Variants in PARP4 observed in about 807,000 individuals in gnomAD.
The protein encoded by PARP4 is protein mono-ADP-ribosyltransferase PARP4.
Under a neutral mutation model 187.7 loss-of-function variants are expected in PARP4, and 120 were observed. The ratio of observed to expected loss-of-function variants is 0.64; its 90% CI spans 0.55 to 0.74. The LOEUF is 0.74. PARP4 is among the 30% of genes least tolerant of loss of function. The probability of loss-of-function intolerance (pLI) is 0.00; values close to 1 mark genes in which losing one functional copy is unlikely to be tolerated. For synonymous variants in PARP4, 654 were observed against 740.9 expected, an observed-to-expected ratio of 0.88 and a Z score of 1.90; for missense variants, 1,836 against 2,070.5, an observed-to-expected ratio of 0.89 and a Z score of 2.20.
intron 2 of PARP4, 135 bp from the exon 3 acceptor site, chr13:24,501,969 CTA>C (rs1443032428): frequency 3.3e-6 from 2 of 601,214 alleles, no homozygotes; most frequent in East Asian, 5.7e-5. Flanking sequence ...CGAAAAACCT[CTA>C]TAAATATCAC....
intron 33 of PARP4, among the ~76,000 whole-genome samples, chr13:24,422,924 T>C (rs1379114565): frequency 2.6e-5 from 4 of 152,200 alleles, no homozygotes; most frequent in Admixed American, 2.6e-4. Flanking sequence ...GTTTGTCTTA[T>C]GTACTCAAGT....
At chr13:24,498,515 T>C (rs1869087578) in intron 5 of PARP4, among the ~76,000 whole-genome samples, 1 of 152,172 alleles carries the variant, frequency 6.6e-6, no homozygotes, top group South Asian at 2.1e-4. Context: ...AAGAGGGAAA[T>C]GTTATTTTCA....
At chr13:24,460,494 G>A (rs1217660228) in intron 17 of PARP4, among the ~76,000 whole-genome samples, 1 of 103,356 alleles carries the variant, frequency 9.7e-6, no homozygotes, top group Non-Finnish European at 2.0e-5. Flanking sequence ...TCTGCTGCAT[G>A]GGTGGGCTCT....
rs566475249 is a variant in PARP4, at chr13:24,507,203, G to A, written c.-1-3426C>T. Among the ~76,000 whole-genome samples, 186 of 152,334 alleles carry A rather than the reference G, an allele frequency of 1.2e-3. 1 individual carries two copies. The highest frequency in any genetic ancestry group is 4.3e-3 in the African/African-American group (179 of 41,584). On this transcript the variant is annotated intron_variant, in intron 1 of 33. Coordinates refer to ENST00000381989, the MANE Select transcript of PARP4 (RefSeq NM_006437.4). ...CTGCGCCTGCAAGCTGAAGGAGCCG[G>A]CTCCGGCCTCGCCAGCTCAGAAAGG...
At chr13:24,429,366 C>T (rs533398796) in intron 32 of PARP4, among the ~76,000 whole-genome samples, 1 of 152,260 alleles carries the variant, frequency 6.6e-6, no homozygotes, top group South Asian at 2.1e-4. Context: ...TATTGTCCTG[C>T]TTCTTCGTAT....
At chr13:24,483,043 T>C (rs1039903448) in intron 12 of PARP4, among the ~76,000 whole-genome samples, 4 of 151,890 alleles carry the variant, frequency 2.6e-5, no homozygotes, top group Admixed American at 6.6e-5. Flanking sequence ...TTTTAAGAGA[T>C]TGGGTCTCGC....
chr13:24,460,463 G>A (rs1351723112), intron 17 of PARP4, among the ~76,000 whole-genome samples: 1 of 102,884 alleles, frequency 9.7e-6, no homozygotes, highest in African/African-American at 3.9e-5. Flanking sequence ...TGCACGGGTG[G>A]GCTCTGCTGC....
intron 1 of PARP4, among the ~76,000 whole-genome samples, chr13:24,504,757 A>T (rs1869518404): frequency 6.6e-6 from 1 of 151,292 alleles, no homozygotes; most frequent in African/African-American, 2.4e-5. Flanking sequence ...GCACTATTGC[A>T]ATTTTGGCTT....
intron 18 of PARP4, chr13:24,459,597 G>C: frequency 2.7e-6 from 1 of 372,344 alleles, no homozygotes; most frequent in African/African-American, 2.1e-5. Flanking sequence ...ATACAAAGTA[G>C]GAAGTTTGGA....
In PARP4 at chr13:24,478,238, C is replaced by A. The variant is rs145290616; in HGVS notation, c.1487G>T (p.Gly496Val). The change falls in exon 13 of 34, where the codon GGC becomes GTC. Residue 496 changes from glycine (G) to valine (V), a missense_variant. Transcript: ENST00000381989. Reference protein sequence around the residue: ...IKYSHPGETDGTRLLLICDVA... With the variant: ...IKYSHPGETDVTRLLLICDVA... The stretch of plus-strand genomic sequence containing the variant: ...GTCACAAATGAGCAGGAGTCTGGTG[C>A]CATCTGTCTCTCCCGGGTGTGAGTA... 1,543 of 1,612,292 alleles carry A rather than the reference C, an allele frequency of 9.6e-4. 1 individual carries two copies. The highest frequency in any genetic ancestry group is 1.7e-3 in the South Asian group (152 of 90,884).
rs573211943 is a variant in PARP4, at chr13:24,483,028, T to C, written c.1448+1625A>G. On this transcript the variant is annotated intron_variant, in intron 12 of 33. Transcript: ENST00000381989. The stretch of plus-strand genomic sequence containing the variant: ...GTGCTCTTTTTTTCTTCTTTTCTTT[T>C]TTTTTTTTAAGAGATTGGGTCTCGC... 9.7e-4 allele frequency among the ~76,000 whole-genome samples: 147 copies of C among 152,112 alleles called. 2 individuals are homozygous for C. Among genetic ancestry groups the C allele is most frequent in the South Asian group, 7.9e-3 (38 of 4,824 alleles).
chr13:24,464,445 T>C (rs1477663130), intron 17 of PARP4, among the ~76,000 whole-genome samples: 2 of 151,916 alleles, frequency 1.3e-5, no homozygotes, highest in South Asian at 2.1e-4. Flanking sequence ...GGTACAAAAA[T>C]AGACACATAG....
intron 28 of PARP4, among the ~76,000 whole-genome samples, chr13:24,443,214 A>G (rs7994240): frequency 1 from 139,934 of 140,546 alleles, 69,684 homozygotes; most frequent in Middle Eastern, 1. Context: ...CTGGCTGAGG[A>G]GCCCCTCTGC....
intron 4 of PARP4, 48 bp downstream of exon 4, chr13:24,500,268 A>C (rs759685448): frequency 1.3e-5 from 15 of 1,131,532 alleles, no homozygotes; most frequent in Non-Finnish European, 1.7e-5. Flanking sequence ...TTTACACAAG[A>C]TTTTACAAAC....
intron 21 of PARP4, 81 bp downstream of exon 21, chr13:24,456,260 C>A: frequency 1.8e-6 from 2 of 1,105,966 alleles, no homozygotes; most frequent in Non-Finnish European, 2.6e-6. Context: ...TCAGGACAAT[C>A]AATAATTTGC....
At chr13:24,471,838 T>C (rs975765547) in intron 15 of PARP4, among the ~76,000 whole-genome samples, 14 of 152,298 alleles carry the variant, frequency 9.2e-5, no homozygotes, top group South Asian at 2.1e-4. Context: ...ACAAAAACAA[T>C]GCCCTAAGTC....
chr13:24,466,796 CA>C (rs34197201), intron 17 of PARP4, among the ~76,000 whole-genome samples: 1,997 of 90,818 alleles, frequency 0.022, 46 homozygotes, highest in African/African-American at 0.084. Flanking sequence ...GACTCTGTCT[CA>C]AAAAAAAAAA....
At chr13:24,435,835 G>C (rs569051122) in intron 30 of PARP4, among the ~76,000 whole-genome samples, 100 of 150,974 alleles carry the variant, frequency 6.6e-4, no homozygotes, top group Non-Finnish European at 1.0e-3. Flanking sequence ...AGGAGTGCTT[G>C]AGCCTGAGAG....
chr13:24,436,432 T>C (rs1379279130), intron 30 of PARP4, among the ~76,000 whole-genome samples: 1 of 152,062 alleles, frequency 6.6e-6, no homozygotes, highest in Admixed American at 6.6e-5. Context: ...GACTCCCCAG[T>C]AGCTGGGACT....
Sources: gnomAD v4.1 joint callset for allele counts (sites outside exome capture counted in the v4.1 genomes callset) on GRCh38, gnomAD v4.1.1 for gene constraint, MANE v1.5 for transcripts, NCBI Gene and HGNC (gene_info 2026-07-23, HGNC 2026-07-21) for gene names.